The following NELL1 variants were observed in gnomAD, a reference collection of about 807,000 sequenced individuals.
The protein encoded by NELL1 is protein kinase C-binding protein NELL1.
A neutral mutation model predicts 107.4 loss-of-function variants in NELL1; 76 were observed. The ratio of observed to expected loss-of-function variants is 0.71; its 90% confidence interval spans 0.59 to 0.86. The LOEUF (loss-of-function observed/expected upper bound fraction) is 0.86. NELL1 is among the 40% of genes least tolerant of loss of function. The pLI is 0.00. For missense variants in NELL1, 1,024 were observed against 1,005.5 expected, an observed-to-expected ratio of 1.02 and a Z score of -0.25; for synonymous variants, 353 against 341.2, an observed-to-expected ratio of 1.03 and a Z score of -0.38.
Position 20,732,538 on chromosome 11 carries a change from G to A in NELL1, c.185-51142G>A, listed in dbSNP as rs1020913523. On this transcript the variant is annotated intron_variant, in intron 2 of 19. Transcript: ENST00000357134. Reference sequence around the variant, plus strand: ...GAATGACTCCCAGGTGGTGAGTGCTGTTGGAGGTCTGAGGATTTGGAGATC... The same window carrying A: ...GAATGACTCCCAGGTGGTGAGTGCTATTGGAGGTCTGAGGATTTGGAGATC... Among the ~76,000 whole-genome samples, 6 of 152,266 alleles carry A rather than the reference G, an allele frequency of 3.9e-5. No individual in the cohort carries two copies. The East Asian group carries it at 1.2e-3, about 29-fold the overall frequency.
At chr11:20,791,730 G>T (rs67317684) in intron 3 of NELL1, among the ~76,000 whole-genome samples, 950 of 79,422 alleles carry the variant, frequency 0.012, 48 homozygotes, top group East Asian at 0.074. Context: ...CAGTCTGGAG[G>T]TTTTTTTTTT....
At chr11:21,427,343 C>T (rs973630917) in intron 15 of NELL1, among the ~76,000 whole-genome samples, 1 of 152,194 alleles carries the variant, frequency 6.6e-6, no homozygotes, top group Non-Finnish European at 1.5e-5. Context: ...AAATGTAGCA[C>T]AGATGAGGAC....
intron 12 of NELL1, among the ~76,000 whole-genome samples, chr11:21,014,270 A>G (rs568811554): frequency 6.6e-6 from 1 of 152,102 alleles, no homozygotes. Context: ...GCATCAAGCC[A>G]TGTGCCCTGC....
chr11:21,184,176 T>G (rs2133827442), intron 13 of NELL1, among the ~76,000 whole-genome samples: 1 of 152,028 alleles, frequency 6.6e-6, no homozygotes, highest in South Asian at 2.1e-4. Flanking sequence ...TGATTGGTTA[T>G]AATCAATATC....
At chr11:21,084,703 T>G (rs1232176459) in intron 12 of NELL1, among the ~76,000 whole-genome samples, 1 of 152,234 alleles carries the variant, frequency 6.6e-6, no homozygotes, top group African/African-American at 2.4e-5. Context: ...GTCATCTTAC[T>G]GTGTTTAGTT....
At chr11:21,099,725 C>T (rs1262306486) in intron 12 of NELL1, among the ~76,000 whole-genome samples, 1 of 152,182 alleles carries the variant, frequency 6.6e-6, no homozygotes, top group Non-Finnish European at 1.5e-5. Context: ...AACTTTCCCA[C>T]AGTAACACTA....
intron 14 of NELL1, among the ~76,000 whole-genome samples, chr11:21,327,869 C>T (rs1850180657): frequency 6.6e-6 from 1 of 152,058 alleles, no homozygotes; most frequent in Non-Finnish European, 1.5e-5. Flanking sequence ...TGGCATTTTG[C>T]ATCTGCCCTG....
At chr11:21,442,243 A>G (rs539752575) in intron 15 of NELL1, among the ~76,000 whole-genome samples, 1 of 152,294 alleles carries the variant, frequency 6.6e-6, no homozygotes, top group South Asian at 2.1e-4. Context: ...TAGCAACCTC[A>G]GTTGCCTAAG....
chr11:21,555,670 C>G (rs987670340), intron 16 of NELL1, among the ~76,000 whole-genome samples: 1 of 151,882 alleles, frequency 6.6e-6, no homozygotes, highest in Non-Finnish European at 1.5e-5. Context: ...AGAGTTAATG[C>G]TAAAGGGGTA....
At chr11:20,761,459 C>T (rs1189188856) in intron 2 of NELL1, among the ~76,000 whole-genome samples, 2 of 152,220 alleles carry the variant, frequency 1.3e-5, no homozygotes, top group African/African-American at 4.8e-5. Context: ...ACAACATACG[C>T]TTCAAGCTTT....
Position 21,164,520 on chromosome 11 carries a change from C to T in NELL1, c.1426+50806C>T, listed in dbSNP as rs186569566. Among the ~76,000 whole-genome samples the T allele has an allele frequency of 2.4e-4, 36 of 152,234 alleles. No individual in the cohort carries two copies. The South Asian group carries it at 2.9e-3, about 12-fold the overall frequency. Reference sequence around the variant, plus strand: ...AATTAGCCAAAGTGACATTTATTGGCTAAGTCCTGTTTTCTCCTGCCTTTA... The same window carrying T: ...AATTAGCCAAAGTGACATTTATTGGTTAAGTCCTGTTTTCTCCTGCCTTTA... On this transcript the variant is annotated intron_variant, in intron 13 of 19. Transcript: ENST00000357134.
At chr11:21,205,311 T>C (rs1791854) in intron 13 of NELL1, among the ~76,000 whole-genome samples, 113,106 of 152,078 alleles carry the variant, frequency 0.74, 44,173 homozygotes, top group Non-Finnish European at 0.84. Context: ...ATGCCCTGCC[T>C]AGAGAGGAGG....
intron 4 of NELL1, among the ~76,000 whole-genome samples, chr11:20,848,483 G>A (rs1174770885): frequency 6.6e-6 from 1 of 152,098 alleles, no homozygotes; most frequent in Admixed American, 6.5e-5. Flanking sequence ...GGTGTTCAAG[G>A]GGAAAGTTTT....
intron 13 of NELL1, among the ~76,000 whole-genome samples, chr11:21,221,698 T>C (rs942344294): frequency 1.3e-5 from 2 of 152,164 alleles, no homozygotes; most frequent in African/African-American, 4.8e-5. Context: ...CTAATGATTT[T>C]TTTGTTGTTG....
chr11:21,291,124 T>C, intron 14 of NELL1, among the ~76,000 whole-genome samples: 1 of 152,016 alleles, frequency 6.6e-6, no homozygotes, highest in East Asian at 1.9e-4. Context: ...CTAACCAGAA[T>C]AACCAGTTCA....
chr11:20,980,068 A>G (rs1398120035), intron 12 of NELL1, among the ~76,000 whole-genome samples: 2 of 152,184 alleles, frequency 1.3e-5, no homozygotes, highest in Admixed American at 6.5e-5. Context: ...CTTAAAGTAG[A>G]CATATTTGAA....
chr11:21,161,495 C>G (rs1485138544), intron 13 of NELL1, among the ~76,000 whole-genome samples: 2 of 152,116 alleles, frequency 1.3e-5, no homozygotes, highest in South Asian at 4.2e-4. Context: ...CGAGATCATG[C>G]CACTGCATTC....
intron 13 of NELL1, among the ~76,000 whole-genome samples, chr11:21,221,511 A>C (rs778810169): frequency 1.3e-5 from 2 of 152,126 alleles, no homozygotes; most frequent in Non-Finnish European, 2.9e-5. Flanking sequence ...ATCCATTCCC[A>C]GGGTTTTCTT....
chr11:20,854,415 G>T (rs975400260), intron 4 of NELL1, among the ~76,000 whole-genome samples: 1 of 152,014 alleles, frequency 6.6e-6, no homozygotes, highest in African/African-American at 2.4e-5. Flanking sequence ...TCCCCCTTTA[G>T]CACCATGGAG....
Sources: allele counts gnomAD v4.1 joint callset (sites outside exome capture counted in the v4.1 genomes callset), GRCh38; gene constraint gnomAD v4.1.1; transcripts MANE v1.5; gene names NCBI Gene and HGNC (gene_info 2026-07-23, HGNC 2026-07-21).